Variants in CLMP observed in about 807,000 individuals in gnomAD.
CLMP encodes the protein CXADR-like membrane protein.
A neutral mutation model predicts 45.2 loss-of-function variants in CLMP; 27 were observed. The observed-to-expected ratio is 0.60, with a 90% CI of 0.44 to 0.82. The LOEUF (loss-of-function observed/expected upper bound fraction) is 0.82. CLMP is among the 40% of genes least tolerant of loss of function. The pLI, the probability that CLMP is intolerant of heterozygous loss-of-function variation, is 0.00. For synonymous variants in CLMP, 167 were observed against 171.4 expected (o/e 0.97, Z 0.20); for missense variants, 403 against 448.4 (o/e 0.90, Z 0.91).
intron 6 of CLMP, 24 bp downstream of exon 6, chr11:123,074,678 A>G (rs1865714101): frequency 6.2e-7 from 1 of 1,611,638 alleles, no homozygotes; most frequent in African/African-American, 1.3e-5. Context: ...AAGCCCCGTA[A>G]AAGTAGGGAT....
intron 1 of CLMP, among the ~76,000 whole-genome samples, chr11:123,153,520 A>T (rs997211901): frequency 2.0e-5 from 3 of 152,138 alleles, no homozygotes; most frequent in African/African-American, 7.2e-5. Flanking sequence ...AAGGAACTCT[A>T]CTATGAACTA....
chr11:123,084,437 C>T lies in CLMP; in HGVS notation c.388+75G>A, dbSNP rs991879887. On this transcript the variant is annotated intron_variant, in intron 3 of 6. Coordinates refer to ENST00000448775, the MANE Select transcript of CLMP (RefSeq NM_024769.5). ...TACTGAACATGATGTTTTGTACCACCGTGATGCATATGGCTATCCCTCTTA... is the reference window on the plus strand; with the variant it reads ...TACTGAACATGATGTTTTGTACCACTGTGATGCATATGGCTATCCCTCTTA... 28 of 1,205,856 alleles carry T rather than the reference C, an allele frequency of 2.3e-5. 1 individual carries two copies. The South Asian group carries it at 2.6e-4, about 11-fold the overall frequency. The allele number at this position is 1,205,856 out of a possible 1,614,324, so 74.7% of individuals were successfully genotyped here.
Position 123,137,801 on chromosome 11 carries a change from G to A in CLMP, c.29-39849C>T, listed in dbSNP as rs190763256. Among the ~76,000 whole-genome samples, 12 of 152,266 alleles carry A rather than the reference G, an allele frequency of 7.9e-5. 1 individual carries two copies. In the South Asian group the frequency reaches 2.5e-3, roughly 32 times the overall value. On this transcript the variant is annotated intron_variant, in intron 1 of 6. Transcript: ENST00000448775. ...CTGAGTGGCGGAAGGCGCCAGGCTC[G>A]GTGATTGAAACCACATGTGCTGGAG...
Position 123,164,698 on chromosome 11 carries a change from T to C in CLMP, c.28+30215A>G, listed in dbSNP as rs190421303. ...CACCGTGACAATTTAGCACACAACA[T>C]TGTACTTGTTTATGCATCTGTCTCA... On this transcript the variant is annotated intron_variant, in intron 1 of 6. Transcript: ENST00000448775. 1.5e-4 allele frequency among the ~76,000 whole-genome samples: 23 copies of C among 152,222 alleles called. No homozygotes were observed. The East Asian group carries it at 4.2e-3, about 28-fold the overall frequency.
chr11:123,139,738 C>G (rs1400348829), intron 1 of CLMP, among the ~76,000 whole-genome samples: 1 of 152,132 alleles, frequency 6.6e-6, no homozygotes, highest in Non-Finnish European at 1.5e-5. Context: ...ATTGTTTGAA[C>G]CTGGCAGGTG....
intron 1 of CLMP, among the ~76,000 whole-genome samples, chr11:123,174,474 C>A (rs896968378): frequency 4.6e-5 from 7 of 152,198 alleles, no homozygotes; most frequent in Middle Eastern, 3.2e-3. Flanking sequence ...AGCTCTATCT[C>A]CCAAAATATA....
chr11:123,166,519 G>A (rs1012872316), intron 1 of CLMP, among the ~76,000 whole-genome samples: 2 of 152,230 alleles, frequency 1.3e-5, no homozygotes, highest in African/African-American at 4.8e-5. Context: ...CAAGATGAGA[G>A]CAGGCCGTGT....
At chr11:123,163,068 G>A (rs1356766230) in intron 1 of CLMP, among the ~76,000 whole-genome samples, 1 of 152,080 alleles carries the variant, frequency 6.6e-6, no homozygotes, top group Non-Finnish European at 1.5e-5. Flanking sequence ...TGAAGGAAGG[G>A]GAGATTAGGG....
At chr11:123,152,357 AC>A (rs1861347603) in intron 1 of CLMP, among the ~76,000 whole-genome samples, 2 of 151,902 alleles carry the variant, frequency 1.3e-5, no homozygotes, top group South Asian at 4.1e-4. Flanking sequence ...CCCCGTCTCT[AC>A]TAAAAATACA....
chr11:123,107,513 G>A (rs12283333), intron 1 of CLMP, among the ~76,000 whole-genome samples: 14,877 of 149,894 alleles, frequency 0.099, 813 homozygotes, highest in East Asian at 0.16. Context: ...TTACAGGTGC[G>A]AGCCACCGCA....
chr11:123,105,381 C>CT, intron 1 of CLMP, among the ~76,000 whole-genome samples: 1 of 114,868 alleles, frequency 8.7e-6, no homozygotes, highest in African/African-American at 3.1e-5. Context: ...CCCTCCCTCC[C>CT]TCCCTTCCTT....
intron 1 of CLMP, among the ~76,000 whole-genome samples, chr11:123,101,307 A>T (rs544251364): frequency 1.3e-5 from 2 of 152,110 alleles, no homozygotes; most frequent in African/African-American, 4.8e-5. Flanking sequence ...GGGCTTCACC[A>T]TGTTAGCCAG....
At chr11:123,116,652 T>C (rs1860724683) in intron 1 of CLMP, among the ~76,000 whole-genome samples, 1 of 152,194 alleles carries the variant, frequency 6.6e-6, no homozygotes, top group Admixed American at 6.5e-5. Context: ...CATTGTCTTC[T>C]TATAGAATTA....
chr11:123,086,043 C>T (rs1433238865), intron 2 of CLMP, among the ~76,000 whole-genome samples: 1 of 152,054 alleles, frequency 6.6e-6, no homozygotes, highest in Non-Finnish European at 1.5e-5. Context: ...TCCCAAAGTG[C>T]TGGGATTACA....
chr11:123,160,062 G>A (rs1414745216), intron 1 of CLMP, among the ~76,000 whole-genome samples: 10 of 151,882 alleles, frequency 6.6e-5, no homozygotes, highest in African/African-American at 2.2e-4. Flanking sequence ...GAGGATCACC[G>A]GAGGTCAGGA....
intron 5 of CLMP, among the ~76,000 whole-genome samples, chr11:123,075,755 A>G (rs1299416728): frequency 6.6e-6 from 1 of 152,162 alleles, no homozygotes; most frequent in Non-Finnish European, 1.5e-5. Flanking sequence ...GAGAGAAATC[A>G]TAGCATGTCT....
At chr11:123,180,045 C>T (rs1254915212) in intron 1 of CLMP, among the ~76,000 whole-genome samples, 1 of 152,162 alleles carries the variant, frequency 6.6e-6, no homozygotes, top group African/African-American at 2.4e-5. Context: ...GCTTAGATGG[C>T]TTGAATAACA....
At chr11:123,186,039 C>T (rs908698536) in intron 1 of CLMP, among the ~76,000 whole-genome samples, 2 of 152,120 alleles carry the variant, frequency 1.3e-5, no homozygotes, top group African/African-American at 4.8e-5. Flanking sequence ...ACCTATGTGA[C>T]CTGGCTGCCT....
At chr11:123,186,380 A>C (rs961014389) in intron 1 of CLMP, among the ~76,000 whole-genome samples, 2 of 152,164 alleles carry the variant, frequency 1.3e-5, no homozygotes, top group African/African-American at 4.8e-5. Flanking sequence ...GGCATGAGTC[A>C]AGAGGGTAGA....
Sources: gnomAD v4.1 joint callset for allele counts (sites outside exome capture counted in the v4.1 genomes callset) on GRCh38, gnomAD v4.1.1 for gene constraint, MANE v1.5 for transcripts, NCBI Gene and HGNC (gene_info 2026-07-23, HGNC 2026-07-21) for gene names.